The following TLN2 variants were observed in gnomAD, a reference collection of about 807,000 sequenced individuals.
TLN2 encodes talin 2, also known as talin-2.
TLN2 carries 118 observed loss-of-function variants against 294.7 expected under a neutral mutation model. The ratio of observed to expected loss-of-function variants is 0.40; its 90% CI spans 0.34 to 0.47. TLN2 has a LOEUF of 0.47. TLN2 is among the 20% of genes least tolerant of loss of function. The probability of loss-of-function intolerance (pLI) is 0.84; values close to 1 mark genes in which losing one functional copy is unlikely to be tolerated. For synonymous variants in TLN2, 1,431 were observed against 1,304.5 expected (o/e 1.10, Z -2.09); for missense variants, 3,083 against 3,282.2 (o/e 0.94, Z 1.48).
At chr15:62,746,600 C>T (rs189668357) in intron 32 of TLN2, among the ~76,000 whole-genome samples, 78 of 152,324 alleles carry the variant, frequency 5.1e-4, no homozygotes, top group Non-Finnish European at 9.3e-4. Flanking sequence ...TTGGCAACAT[C>T]ATTTTCTGTC....
chr15:62,557,332 AG>A (rs1475257524), intron 1 of TLN2, among the ~76,000 whole-genome samples: 1 of 152,190 alleles, frequency 6.6e-6, no homozygotes, highest in Admixed American at 6.5e-5. Context: ...TCAGATCCAG[AG>A]GGTCTTTGGA....
chr15:62,487,225 G>C (rs2038447210), intron 1 of TLN2, among the ~76,000 whole-genome samples: 1 of 152,170 alleles, frequency 6.6e-6, no homozygotes, highest in South Asian at 2.1e-4. Flanking sequence ...TTACTGGGTT[G>C]ATTCCGTGTG....
At position 62,840,685 on chromosome 15, in the gene TLN2, G is replaced by T; in HGVS notation, c.*75G>T. On this transcript the variant is annotated 3_prime_UTR_variant, in exon 59 of 59. Coordinates refer to ENST00000636159, the MANE Select transcript of TLN2 (RefSeq NM_015059.3). Reference sequence around the variant, plus strand: ...GACAGACAGTGTTCCTGAGAGGCTGGGCACTTAGCTGGAAACCGCCCACCT... The same window carrying T: ...GACAGACAGTGTTCCTGAGAGGCTGTGCACTTAGCTGGAAACCGCCCACCT... 1.1e-5 allele frequency: 17 copies of T among 1,542,072 alleles called. No individual in the cohort carries two copies. The highest frequency in any genetic ancestry group is 1.5e-5 in the Non-Finnish European group (17 of 1,146,310).
intron 1 of TLN2, among the ~76,000 whole-genome samples, chr15:62,587,576 C>G (rs1181816096): frequency 6.6e-6 from 1 of 152,166 alleles, no homozygotes; most frequent in African/African-American, 2.4e-5. Context: ...GTGGTTTACT[C>G]AACATGTCTC....
intron 3 of TLN2, among the ~76,000 whole-genome samples, chr15:62,640,650 A>G (rs191474496): frequency 6.6e-6 from 1 of 152,310 alleles, no homozygotes; most frequent in East Asian, 1.9e-4. Context: ...GTGACCTCCA[A>G]GAGAAACAGC....
At chr15:62,697,621 T>C (rs2058437391) in intron 14 of TLN2, 67 bp from the exon 15 acceptor site, 2 of 1,512,774 alleles carry the variant, frequency 1.3e-6, no homozygotes, top group Non-Finnish European at 8.9e-7. Context: ...GTGACATCTG[T>C]GGGGTCTCCT....
At chr15:62,736,325 A>C (rs927971675) in intron 28 of TLN2, among the ~76,000 whole-genome samples, 11 of 152,048 alleles carry the variant, frequency 7.2e-5, no homozygotes, top group African/African-American at 2.2e-4. Context: ...CAAAAAAAAA[A>C]AAAAAACAGT....
chr15:62,423,965 T>C (rs56117602), intron 1 of TLN2, among the ~76,000 whole-genome samples: 29,955 of 152,178 alleles, frequency 0.2, 3,047 homozygotes, highest in Non-Finnish European at 0.22. Context: ...AAAGGCTGAC[T>C]AATGTTAACG....
At chr15:62,716,086 G>T (rs1008015903) in intron 22 of TLN2, among the ~76,000 whole-genome samples, 4 of 152,160 alleles carry the variant, frequency 2.6e-5, no homozygotes, top group African/African-American at 7.2e-5. Context: ...GGACAACCAA[G>T]GCAATGTTCT....
intron 58 of TLN2, among the ~76,000 whole-genome samples, chr15:62,840,151 T>TCAA (rs1178979911): frequency 6.6e-6 from 1 of 152,136 alleles, no homozygotes; most frequent in African/African-American, 2.4e-5. Context: ...AACAAGACTT[T>TCAA]CAACAGGGCA....
intron 1 of TLN2, among the ~76,000 whole-genome samples, chr15:62,458,351 A>G (rs1193963466): frequency 6.6e-6 from 1 of 152,024 alleles, no homozygotes; most frequent in African/African-American, 2.4e-5. Context: ...TACATTTGGA[A>G]TCTCTTTCAC....
At chr15:62,568,234 G>A (rs189158578) in intron 1 of TLN2, among the ~76,000 whole-genome samples, 2 of 152,146 alleles carry the variant, frequency 1.3e-5, no homozygotes, top group Non-Finnish European at 2.9e-5. Flanking sequence ...GGAGGGGAGG[G>A]GACAAACCTC....
intron 1 of TLN2, among the ~76,000 whole-genome samples, chr15:62,418,236 T>C (rs2034191988): frequency 6.6e-6 from 1 of 152,206 alleles, no homozygotes; most frequent in African/African-American, 2.4e-5. Flanking sequence ...CCGCTTTCTC[T>C]TGGTGAGTCC....
chr15:62,708,533 G>A lies in TLN2; in HGVS notation c.2204G>A (p.Cys735Tyr). 2 of 1,614,048 alleles carry A rather than the reference G, an allele frequency of 1.2e-6. No individual in the cohort carries two copies. The highest frequency in any genetic ancestry group is 1.7e-6 in the Non-Finnish European group (2 of 1,179,940). The change falls in exon 21 of 59, where the codon TGC (cysteine) becomes TAC (tyrosine). Residue 735 changes from cysteine (C) to tyrosine (Y), a missense_variant. Transcript: ENST00000636159. ...AGCCCCACTATTAGCTCCCCTGTGT[G>A]CCAGGAGCAGCTGATTGAAGCAGGG... ...VVSPTISSPV[C>Y]QEQLIEAGKL... is the part of the protein sequence containing the mutation.
intron 14 of TLN2, among the ~76,000 whole-genome samples, chr15:62,695,722 G>A (rs747419988): frequency 6.6e-6 from 1 of 152,208 alleles, no homozygotes; most frequent in South Asian, 2.1e-4. Context: ...AACCAAACTT[G>A]ATATGATAAG....
rs146711240 is a variant in TLN2, at chr15:62,766,393, C to A, written c.5167C>A (p.Arg1723=). The change falls in exon 41 of 59, where the codon CGG becomes AGG. Residue 1723 remains arginine, a synonymous_variant. Transcript: ENST00000636159. ...TATCGATCCCATCGCCACAGCGGCTCGGGGAGAAGCAGCTCAGCTGGGACA... is the reference window on the plus strand; with the variant it reads ...TATCGATCCCATCGCCACAGCGGCTAGGGGAGAAGCAGCTCAGCTGGGACA... ...HLIDPIATAA[R]GEAAQLGHKV... 1.9e-6 allele frequency: 3 copies of A among 1,611,996 alleles called. No individual in the cohort carries two copies. In the African/African-American group the frequency reaches 4.0e-5, roughly 22 times the overall value.
chr15:62,792,773 G>A lies in TLN2; in HGVS notation c.5869G>A (p.Ala1957Thr). 6.2e-7 allele frequency: 1 copy of A among 1,614,024 alleles called. No individual in the cohort carries two copies. The highest frequency in any genetic ancestry group is 1.1e-5 in the South Asian group (1 of 91,074). ...GAGGGAGCTGATCGAATGCGCCCGT[G>A]CCGTCACGGAAAAGGTAAGGAGCAG... ...TKRELIECAR[A>T]VTEKVSLVLS... Residue 1957 changes from alanine to threonine, a missense_variant, in exon 46 of 59, where the codon GCC becomes ACC. Coordinates refer to ENST00000636159, the MANE Select transcript of TLN2 (RefSeq NM_015059.3).
intron 19 of TLN2, among the ~76,000 whole-genome samples, chr15:62,705,788 G>A (rs979811048): frequency 2.6e-5 from 4 of 152,202 alleles, no homozygotes; most frequent in Admixed American, 6.5e-5. Flanking sequence ...GTAGACAAGT[G>A]CCAGTCAGAT....
intron 1 of TLN2, among the ~76,000 whole-genome samples, chr15:62,524,844 C>G (rs1452503294): frequency 6.6e-6 from 1 of 152,054 alleles, no homozygotes; most frequent in East Asian, 1.9e-4. Flanking sequence ...GTGAGTTCCC[C>G]CAACAAATGA....
Sources: allele counts gnomAD v4.1 joint callset (sites outside exome capture counted in the v4.1 genomes callset), GRCh38; gene constraint gnomAD v4.1.1; transcripts MANE v1.5; gene names NCBI Gene and HGNC (gene_info 2026-07-23, HGNC 2026-07-21).